The following GEMIN2 variants were observed in gnomAD, a reference collection of about 807,000 sequenced individuals.
The protein encoded by GEMIN2 is gem-associated protein 2.
In GEMIN2, 37 loss-of-function variants were observed where a neutral mutation model predicts 45.8. The ratio of observed to expected loss-of-function variants is 0.81; its 90% CI spans 0.62 to 1.06. The LOEUF (loss-of-function observed/expected upper bound fraction) is 1.06. GEMIN2 is among the 50% of genes least tolerant of loss of function. GEMIN2 has a pLI of 0.00. For synonymous variants in GEMIN2, 101 were observed against 111.5 expected (o/e 0.91, Z 0.60); for missense variants, 335 against 321.8 (o/e 1.04, Z -0.31).
At chr14:39,122,761 G>T in intron 5 of GEMIN2, 1 of 363,308 alleles carries the variant, frequency 2.8e-6, no homozygotes, top group Non-Finnish European at 4.9e-6. Context: ...AATATTTGCT[G>T]TCTGACTCTT....
chr14:39,124,668 G>A (rs750937225), intron 5 of GEMIN2, among the ~76,000 whole-genome samples: 2 of 151,998 alleles, frequency 1.3e-5, no homozygotes, highest in Non-Finnish European at 2.9e-5. Context: ...AGCTACTCGT[G>A]AGGCTGAGGT....
At chr14:39,122,409 G>GA in intron 4 of GEMIN2, 21 bp from the exon 5 acceptor site, 1 of 1,028,764 alleles carries the variant, frequency 9.7e-7, no homozygotes, top group Non-Finnish European at 1.5e-6. Context: ...GAATAAATCA[G>GA]TTTTTTTTTT....
intron 6 of GEMIN2, among the ~76,000 whole-genome samples, chr14:39,126,006 C>T (rs1190953731): frequency 6.2e-5 from 9 of 145,014 alleles, no homozygotes; most frequent in Admixed American, 5.6e-4. Flanking sequence ...GGCGACAGGG[C>T]GAGACTCTGT....
chr14:39,129,404 ATTTATTT>A, intron 7 of GEMIN2, among the ~76,000 whole-genome samples: 1 of 151,974 alleles, frequency 6.6e-6, no homozygotes, highest in Non-Finnish European at 1.5e-5. Context: ...TACGGTATTT[ATTTATTT>A]TTTATTTATT....
At chr14:39,136,218 A>C (rs1002608670) in intron 9 of GEMIN2, among the ~76,000 whole-genome samples, 10 of 152,196 alleles carry the variant, frequency 6.6e-5, no homozygotes, top group African/African-American at 2.2e-4. Context: ...CCTGGAAATC[A>C]TACTTTAGCA....
At chr14:39,123,601 T>C (rs1025509624) in intron 5 of GEMIN2, among the ~76,000 whole-genome samples, 3 of 148,410 alleles carry the variant, frequency 2.0e-5, no homozygotes, top group Non-Finnish European at 4.4e-5. Context: ...ACTCAAATCT[T>C]AGGGAAGTTA....
intron 7 of GEMIN2, among the ~76,000 whole-genome samples, chr14:39,130,900 A>G (rs964302074): frequency 6.6e-6 from 1 of 151,784 alleles, no homozygotes; most frequent in Non-Finnish European, 1.5e-5. Flanking sequence ...ATCTCGAAAA[A>G]AAAAAGAAAA....
chr14:39,116,496 A>C (rs1295055025), intron 2 of GEMIN2, among the ~76,000 whole-genome samples: 1 of 149,086 alleles, frequency 6.7e-6, no homozygotes, highest in Non-Finnish European at 1.5e-5. Flanking sequence ...GGCTCACTGC[A>C]ACCTCTGCCT....
rs1015471843 is a variant in GEMIN2 at position 39,128,333 on chromosome 14, C to G, written c.585C>G (p.Asp195Glu). ...TGAGTAATTGGTTTGGAGAAAGAGA[C>G]TTTACTCCAGAATTGGTAGTATTGC... ...EYLSNWFGER[D>E]FTPELGRWLY... is the part of the protein sequence containing the mutation. Residue 195 changes from aspartate (D) to glutamate (E), a missense_variant, in exon 7 of 10, where the codon GAC (aspartate) becomes GAG (glutamate). Coordinates refer to ENST00000308317, the MANE Select transcript of GEMIN2 (RefSeq NM_003616.3). 3 of 1,562,324 alleles carry G rather than the reference C, an allele frequency of 1.9e-6. No homozygotes were observed. The highest frequency in any genetic ancestry group is 2.6e-6 in the Non-Finnish European group (3 of 1,139,728).
At chr14:39,118,680 T>C (rs558199581) in intron 4 of GEMIN2, 81 bp downstream of exon 4, 1 of 669,250 alleles carries the variant, frequency 1.5e-6, no homozygotes, top group East Asian at 2.5e-5. Context: ...CGTTAAAGAT[T>C]CACTTGCCTA....
chr14:39,125,965 A>G (rs2052634948), intron 6 of GEMIN2, among the ~76,000 whole-genome samples: 2 of 151,698 alleles, frequency 1.3e-5, no homozygotes, highest in Non-Finnish European at 2.9e-5. Context: ...GGTTGCAGTG[A>G]GCCGAGATCG....
chr14:39,132,628 C>T (rs2052731813), intron 8 of GEMIN2, among the ~76,000 whole-genome samples: 1 of 145,964 alleles, frequency 6.9e-6, no homozygotes, highest in Non-Finnish European at 1.5e-5. Context: ...TCCTCATGCT[C>T]ATCTTATGAT....
At chr14:39,123,008 G>A (rs955439371) in intron 5 of GEMIN2, among the ~76,000 whole-genome samples, 3 of 152,098 alleles carry the variant, frequency 2.0e-5, no homozygotes, top group African/African-American at 4.8e-5. Flanking sequence ...ACAATTAGAT[G>A]CTTTAAAATG....
Position 39,114,416 on chromosome 14 carries a change from G to C in GEMIN2, c.78G>C (p.Thr26=). The C allele has an allele frequency of 1.2e-6, 2 of 1,614,012 alleles. No individual in the cohort carries two copies. Residue 26 remains threonine, a synonymous_variant, in exon 1 of 10, where the codon ACG becomes ACC. Coordinates refer to ENST00000308317, the MANE Select transcript of GEMIN2 (RefSeq NM_003616.3). ...RLLPVEPCDL[T]EGFDPSVPPR... is the part of the protein sequence containing the mutation. ...TGCCGGTAGAGCCTTGCGACTTGACGGAAGGTTTCGATCCCTCGGTACCCC... is the reference window on the plus strand; with the variant it reads ...TGCCGGTAGAGCCTTGCGACTTGACCGAAGGTTTCGATCCCTCGGTACCCC...
chr14:39,126,300 C>T (rs1327627547), intron 6 of GEMIN2, among the ~76,000 whole-genome samples: 1 of 151,806 alleles, frequency 6.6e-6, no homozygotes, highest in Non-Finnish European at 1.5e-5. Flanking sequence ...CCACCTCAGC[C>T]TCCTGGTAGC....
At chr14:39,123,709 T>TATATATATATATA (rs60209051) in intron 5 of GEMIN2, among the ~76,000 whole-genome samples, 88 of 28,866 alleles carry the variant, frequency 3.0e-3, no homozygotes, top group East Asian at 6.4e-3. Context: ...TATATATATA[T>TATATATATATATA]TTTTTTTTTT....
chr14:39,114,481 T>TGATTC lies in GEMIN2; in HGVS notation c.137+8_137+12dup. 6.2e-7 allele frequency: 1 copy of TGATTC among 1,609,004 alleles called. No individual in the cohort carries two copies. Among genetic ancestry groups the TGATTC allele is most frequent in the South Asian group, 1.1e-5 (1 of 90,840 alleles). Reference sequence around the variant, plus strand: ...GAATACCTGAGGCGGGTCCAGTGAGTGATTCGGCCCTGGGCGGGTGGGCTG... The same window carrying TGATTC: ...GAATACCTGAGGCGGGTCCAGTGAGTGATTCGATTCGGCCCTGGGCGGGTGGGCTG... On this transcript the variant is annotated splice_region_variant and intron_variant, in intron 1 of 9. Transcript: ENST00000308317.
chr14:39,122,993 T>C (rs2052592903), intron 5 of GEMIN2, among the ~76,000 whole-genome samples: 1 of 152,144 alleles, frequency 6.6e-6, no homozygotes, highest in South Asian at 2.1e-4. Context: ...AAAATGGAAA[T>C]CGACACAATT....
chr14:39,114,852 A>G lies in GEMIN2; in HGVS notation c.161A>G (p.Asp54Gly). The change falls in exon 2 of 10, where the codon GAT becomes GGT. Residue 54 changes from aspartate to glycine, a missense_variant. By Grantham distance (94) the Asp-to-Gly change is moderately conservative (BLOSUM62 -1). Coordinates refer to ENST00000308317, the MANE Select transcript of GEMIN2 (RefSeq NM_003616.3). ...RVQIEAAQCP[D>G]VVVAQIDPKK... is the part of the protein sequence containing the mutation. The stretch of plus-strand genomic sequence containing the variant: ...AGGATCGAAGCAGCTCAATGTCCAG[A>G]TGTTGTGGTAGCTCAAATTGACCCA... 6.4e-7 allele frequency: 1 copy of G among 1,568,042 alleles called. No individual in the cohort carries two copies. The highest frequency in any genetic ancestry group is 8.8e-7 in the Non-Finnish European group (1 of 1,138,012).
Sources: gnomAD v4.1 joint callset for allele counts (sites outside exome capture counted in the v4.1 genomes callset) on GRCh38, gnomAD v4.1.1 for gene constraint, MANE v1.5 for transcripts, NCBI Gene and HGNC (gene_info 2026-07-23, HGNC 2026-07-21) for gene names.